REM1: variants seen among roughly 807,000 people sequenced by gnomAD.
The protein encoded by REM1 is GTP-binding protein REM 1.
Under a neutral mutation model 27.0 loss-of-function variants are expected in REM1, and 20 were observed. That is an observed-to-expected ratio of 0.74 (90% CI 0.52 to 1.08). The LOEUF is 1.08. Ranked by LOEUF, REM1 falls within the 50% of genes least tolerant of loss-of-function variation. The probability of loss-of-function intolerance (pLI) is 0.00; values close to 1 mark genes in which losing one functional copy is unlikely to be tolerated. For synonymous variants in REM1, 159 were observed against 167.9 expected (o/e 0.95, Z 0.41); for missense variants, 405 against 407.0 (o/e 1.00, Z 0.04).
chr20:31,476,674 T>C lies in REM1; in HGVS notation c.229T>C (p.Trp77Arg). 6.2e-7 allele frequency: 1 copy of C among 1,614,134 alleles called. No homozygotes were observed. The highest frequency in any genetic ancestry group is 1.3e-5 in the African/African-American group (1 of 75,030). ...SSESSDSEGSWEALYRVVLLG... is the reference protein window; with the variant it reads ...SSESSDSEGSREALYRVVLLG... ...TGAATCCAGCGACTCTGAAGGCTCC[T>C]GGGAGGCTCTCTACCGTGTGGTGCT... Residue 77 changes from tryptophan (W) to arginine (R), a missense_variant, in exon 2 of 5, where the codon TGG becomes CGG. Trp to Arg is a moderately radical substitution (Grantham distance 101, BLOSUM62 -3). Transcript: ENST00000201979.
Position 31,476,218 on chromosome 20 carries a change from C to T in REM1, c.-219-9C>T, listed in dbSNP as rs926376807. The T allele has an allele frequency of 7.6e-6, 4 of 525,802 alleles. No individual in the cohort carries two copies. Among genetic ancestry groups the T allele is most frequent in the Middle Eastern group, 4.8e-4 (1 of 2,080 alleles). The allele number at this position is 525,802 out of a possible 1,614,324, so 32.6% of individuals were successfully genotyped here. On this transcript the variant is annotated splice_polypyrimidine_tract_variant and intron_variant, in intron 1 of 4. Transcript: ENST00000201979. ...AGCCTGCACACTCACTCCTTCCATCCGGATCCAGGTTTATGCAGAGCCTGA... is the reference window on the plus strand; with the variant it reads ...AGCCTGCACACTCACTCCTTCCATCTGGATCCAGGTTTATGCAGAGCCTGA...
At chr20:31,477,592 A>G (rs1315856621) in intron 2 of REM1, among the ~76,000 whole-genome samples, 1 of 152,078 alleles carries the variant, frequency 6.6e-6, no homozygotes, top group Non-Finnish European at 1.5e-5. Context: ...CTTTAACCCC[A>G]CCACCCCACC....
rs755906163 is a variant in REM1, at chr20:31,476,432, C to A, written c.-14C>A. 9 of 1,542,954 alleles carry A rather than the reference C, an allele frequency of 5.8e-6. No homozygotes were observed. In the South Asian group the frequency reaches 6.3e-5, roughly 11 times the overall value. On this transcript the variant is annotated 5_prime_UTR_variant, in exon 2 of 5. Transcript: ENST00000201979. ...GAAGGAAAGAAGGAAGAAGCAAACC[C>A]CCCCCTACCAAAGATGACACTCAAC...
chr20:31,479,391 T>C (rs2122474029), intron 3 of REM1, among the ~76,000 whole-genome samples: 1 of 152,262 alleles, frequency 6.6e-6, no homozygotes, highest in East Asian at 1.9e-4. Context: ...CAGCTGAGAA[T>C]GCTATGGGGC....
chr20:31,475,871 C>T lies in REM1; in HGVS notation c.-219-356C>T, dbSNP rs575253970. Among the ~76,000 whole-genome samples, 1 of 152,356 alleles carries T rather than the reference C, an allele frequency of 6.6e-6. No individual in the cohort carries two copies. Among genetic ancestry groups the T allele is most frequent in the South Asian group, 2.1e-4 (1 of 4,832 alleles). On this transcript the variant is annotated intron_variant, in intron 1 of 4. Coordinates refer to ENST00000201979, the MANE Select transcript of REM1 (RefSeq NM_014012.6). The surrounding 1 kb of genome is among the most constrained non-coding windows in gnomAD (Gnocchi z 5.0). Reference sequence around the variant, plus strand: ...CTGGAGTGCCAACCCGCCCTCCTGCCTCTTCCTCCTCAGACCCCGTGAAAT... The same window carrying T: ...CTGGAGTGCCAACCCGCCCTCCTGCTTCTTCCTCCTCAGACCCCGTGAAAT...
At chr20:31,478,974 A>C (rs1263736026) in intron 3 of REM1, among the ~76,000 whole-genome samples, 1 of 152,014 alleles carries the variant, frequency 6.6e-6, no homozygotes, top group Non-Finnish European at 1.5e-5. Context: ...AGCTAGGATT[A>C]CAGGCACCTG....
intron 3 of REM1, among the ~76,000 whole-genome samples, chr20:31,481,761 T>C (rs1980742513): frequency 6.6e-6 from 1 of 152,196 alleles, no homozygotes; most frequent in African/African-American, 2.4e-5. Flanking sequence ...CCCTTGACTG[T>C]CTCATCCCCT....
chr20:31,476,375 A>T lies in REM1; in HGVS notation c.-71A>T. On this transcript the variant is annotated 5_prime_UTR_variant, in exon 2 of 5. Transcript: ENST00000201979. The stretch of plus-strand genomic sequence containing the variant: ...ACTATAGAAAGAAGCAGCTCAAAGC[A>T]ATTGGCTGACAGCCAATTCCCCCTT... The T allele has an allele frequency of 7.9e-7, 1 of 1,260,954 alleles. No homozygotes were observed. Among genetic ancestry groups the T allele is most frequent in the Non-Finnish European group, 1.1e-6 (1 of 898,110 alleles). The allele number at this position is 1,260,954 out of a possible 1,614,324, so 78.1% of individuals were successfully genotyped here. A position where few individuals can be genotyped will look rare whatever the true frequency, so the allele number is the denominator to read the frequency against.
rs756212329 is a variant in REM1 at position 31,476,429 on chromosome 20, A to C, written c.-17A>C. 9 of 1,507,182 alleles carry C rather than the reference A, an allele frequency of 6.0e-6. No homozygotes were observed. Among genetic ancestry groups the C allele is most frequent in the African/African-American group, 2.8e-5 (2 of 70,530 alleles). The allele number at this position is 1,507,182 out of a possible 1,614,324, so 93.4% of individuals were successfully genotyped here. ...TCAGAAGGAAAGAAGGAAGAAGCAAACCCCCCCCTACCAAAGATGACACTC... is the reference window on the plus strand; with the variant it reads ...TCAGAAGGAAAGAAGGAAGAAGCAACCCCCCCCCTACCAAAGATGACACTC... On this transcript the variant is annotated 5_prime_UTR_variant, in exon 2 of 5. Coordinates refer to ENST00000201979, the MANE Select transcript of REM1 (RefSeq NM_014012.6).
intron 2 of REM1, 147 bp from the exon 3 acceptor site, chr20:31,477,681 C>T (rs1980566097): frequency 1.6e-6 from 1 of 617,378 alleles, no homozygotes; most frequent in East Asian, 2.8e-5. Flanking sequence ...GGGCTCCTAC[C>T]AGGAGAGACA....
At chr20:31,476,845 G>GT in intron 2 of REM1, 60 bp downstream of exon 2, 6 of 1,404,238 alleles carry the variant, frequency 4.3e-6, no homozygotes, top group Non-Finnish European at 4.8e-6. Context: ...CTGTCACCAG[G>GT]GACACAGGGC....
rs1044943303 is a variant in REM1, at chr20:31,475,747, C to T, written c.-220+381C>T. 6.6e-6 allele frequency among the ~76,000 whole-genome samples: 1 copy of T among 152,234 alleles called. No homozygotes were observed. Among genetic ancestry groups the T allele is most frequent in the Non-Finnish European group, 1.5e-5 (1 of 68,044 alleles). On this transcript the variant is annotated intron_variant, in intron 1 of 4. Transcript: ENST00000201979. This position sits in a 1 kb window ranked among gnomAD's most constrained non-coding sequence, Gnocchi z 5.0. ...GTTGGAGGCCGTAGCGCCAGCCGCT[C>T]CTGAATTTTTCACACAGGGGGCGGG...
chr20:31,484,101 C>A, intron 4 of REM1, 58 bp from the exon 5 acceptor site: 1 of 1,495,154 alleles, frequency 6.7e-7, no homozygotes. Flanking sequence ...CTCTTCCTAC[C>A]TTTTTCTCCG....
At chr20:31,482,166 C>T in intron 3 of REM1, 121 bp from the exon 4 acceptor site, 1 of 798,866 alleles carries the variant, frequency 1.3e-6, no homozygotes, top group Non-Finnish European at 2.0e-6. Flanking sequence ...AGTTGTCCCC[C>T]ACACCTGTCC....
At position 31,484,438 on chromosome 20, in the gene REM1, C is replaced by A. The variant is rs1209278954; in HGVS notation, c.*8C>A. ...AATCTGGCCGTGCTCTGAAGCCCCC[C>A]GCCCTTCTGAGAGTTGGCGGGTCAC... On this transcript the variant is annotated 3_prime_UTR_variant, in exon 5 of 5. Transcript: ENST00000201979. 3 of 1,477,454 alleles carry A rather than the reference C, an allele frequency of 2.0e-6. No individual in the cohort carries two copies. In the Admixed American group the frequency reaches 7.3e-5, roughly 36 times the overall value. The allele number at this position is 1,477,454 out of a possible 1,614,324, so 91.5% of individuals were successfully genotyped here. A position where few individuals can be genotyped will look rare whatever the true frequency, so the allele number is the denominator to read the frequency against.
rs200307401 is a variant in REM1, at chr20:31,482,970, C to CA, written c.625+490dup. On this transcript the variant is annotated intron_variant, in intron 4 of 4. Transcript: ENST00000201979. Reference sequence around the variant, plus strand: ...GCAACACAGCAAGACCTTCTCTCTACAAAAAAAATTAAAAATAATTTTAGC... The same window carrying CA: ...GCAACACAGCAAGACCTTCTCTCTACAAAAAAAAATTAAAAATAATTTTAGC... 4.8e-3 allele frequency among the ~76,000 whole-genome samples: 733 copies of CA among 151,790 alleles called. 3 individuals carry two copies. Among genetic ancestry groups the CA allele is most frequent in the Middle Eastern group, 0.014 (4 of 294 alleles).
intron 3 of REM1, 24 bp downstream of exon 3, chr20:31,477,934 G>C: frequency 6.8e-7 from 1 of 1,473,600 alleles, no homozygotes; most frequent in South Asian, 1.2e-5. Context: ...AGCAGAATTT[G>C]GGGAGAGGGG....
At position 31,481,667 on chromosome 20, in the gene REM1, A is replaced by T. The variant is rs896376418; in HGVS notation, c.424-620A>T. Reference sequence around the variant, plus strand: ...CTTGGAGGGCTGTCCCTAACAAAAGATCACCATCCAAAATATCAAAAGCAC... The same window carrying T: ...CTTGGAGGGCTGTCCCTAACAAAAGTTCACCATCCAAAATATCAAAAGCAC... On this transcript the variant is annotated intron_variant, in intron 3 of 4. Coordinates refer to ENST00000201979, the MANE Select transcript of REM1 (RefSeq NM_014012.6). 1.3e-4 allele frequency among the ~76,000 whole-genome samples: 20 copies of T among 152,312 alleles called. 1 individual carries two copies. The highest frequency in any genetic ancestry group is 4.6e-4 in the African/African-American group (19 of 41,560).
chr20:31,482,420 ACCATGTGC>A lies in REM1; in HGVS notation c.562_569del (p.Val188HisfsTer30). ...CAGCTGCGGCGCACACATCAGGCAG[ACCATGTGC>A]CCATCATCCTCGTGGGCAACAAGGC... On this transcript the variant is annotated frameshift_variant, in exon 4 of 5. Coordinates refer to ENST00000201979, the MANE Select transcript of REM1 (RefSeq NM_014012.6). LOFTEE classifies it high-confidence loss of function. The A allele has an allele frequency of 6.2e-7, 1 of 1,614,180 alleles. No homozygotes were observed. Among genetic ancestry groups the A allele is most frequent in the Admixed American group, 1.7e-5 (1 of 60,030 alleles).
Sources: allele counts gnomAD v4.1 joint callset (sites outside exome capture counted in the v4.1 genomes callset), GRCh38; gene constraint gnomAD v4.1.1; non-coding constraint Gnocchi (gnomAD v3.1); transcripts MANE v1.5; gene names NCBI Gene and HGNC (gene_info 2026-07-23, HGNC 2026-07-21).